Variants in PGAP4 observed in about 807,000 individuals in gnomAD.
PGAP4 encodes post-GPI attachment to proteins GalNAc transferase 4, also known as GPI-N-acetylgalactosamine transferase PGAP4.
A neutral mutation model predicts 28.2 loss-of-function variants in PGAP4; 12 were observed. That is an observed-to-expected ratio of 0.42 (90% confidence interval 0.27 to 0.69). The LOEUF (loss-of-function observed/expected upper bound fraction) is 0.69. Among genes scored for constraint, PGAP4 ranks in the 30% least tolerant of loss-of-function variants. The probability of loss-of-function intolerance (pLI) is 0.22; values close to 1 mark genes in which losing one functional copy is unlikely to be tolerated. For synonymous variants in PGAP4, 205 were observed against 211.8 expected, an observed-to-expected ratio of 0.97 and a Z score of 0.28; for missense variants, 425 against 513.5, an observed-to-expected ratio of 0.83 and a Z score of 1.67.
intron 2 of PGAP4, among the ~76,000 whole-genome samples, chr9:101,520,191 C>A (rs562154330): frequency 6.6e-6 from 1 of 152,238 alleles, no homozygotes; most frequent in South Asian, 2.1e-4. Flanking sequence ...TTTGGCTATA[C>A]AAGCTCCTTT....
At chr9:101,510,572 G>C (rs967050277) in intron 2 of PGAP4, among the ~76,000 whole-genome samples, 2 of 152,022 alleles carry the variant, frequency 1.3e-5, no homozygotes, top group African/African-American at 4.8e-5. Flanking sequence ...TAGGACACTT[G>C]GTATTTTCTT....
intron 2 of PGAP4, among the ~76,000 whole-genome samples, chr9:101,520,699 T>A (rs1250063492): frequency 1.3e-5 from 2 of 152,198 alleles, no homozygotes; most frequent in South Asian, 4.1e-4. Flanking sequence ...CCGATTTGGA[T>A]GCCCCTTATT....
chr9:101,518,777 G>C (rs928366292), intron 2 of PGAP4, among the ~76,000 whole-genome samples: 1 of 152,172 alleles, frequency 6.6e-6, no homozygotes, highest in African/African-American at 2.4e-5. Context: ...CTATAAACAT[G>C]CGTGTGCAAG....
At chr9:101,531,395 T>A (rs562393639) in exon 2 of PGAP4, 6 of 152,330 alleles carry the variant, frequency 3.9e-5, no homozygotes, top group African/African-American at 1.2e-4. Context: ...CTTTGTAGAA[T>A]CTTCTCTAAC....
chr9:101,477,865 G>A (rs1418064492), intron 1 of PGAP4, among the ~76,000 whole-genome samples: 1 of 152,198 alleles, frequency 6.6e-6, no homozygotes, highest in Non-Finnish European at 1.5e-5. Flanking sequence ...CCCCAGGCTT[G>A]GGGAGGGAGG....
In PGAP4 at chr9:101,475,959, A is replaced by C. The variant is rs1446948235; in HGVS notation, c.1134T>G (p.Tyr378Ter). The C allele has an allele frequency of 1.2e-6, 2 of 1,614,244 alleles. No individual in the cohort carries two copies. The highest frequency in any genetic ancestry group is 3.3e-5 in the Admixed American group (2 of 60,036). Residue 378 changes from tyrosine to a stop codon, truncating the protein, a stop_gained, in exon 2 of 2, where the codon TAT (tyrosine) becomes TAG (stop). Coordinates refer to ENST00000374848, the MANE Select transcript of PGAP4 (RefSeq NM_032342.3). LOFTEE classifies it high-confidence loss of function. ...SLLRAKGERAYVVEPNLVKHI... is the reference protein window; with the variant it reads ...SLLRAKGERA ...GTTTCACGAGGTTCGGCTCCACTAC[A>C]TAGGCCCTCTCTCCCTTGGCCCTCA...
At chr9:101,500,244 C>T (rs1407486811) in intron 2 of PGAP4, among the ~76,000 whole-genome samples, 1 of 152,028 alleles carries the variant, frequency 6.6e-6, no homozygotes, top group Non-Finnish European at 1.5e-5. Flanking sequence ...TCCTGGTAAT[C>T]CAAAGTCATG....
At chr9:101,498,384 C>A (rs1018155097) in intron 2 of PGAP4, among the ~76,000 whole-genome samples, 1 of 151,636 alleles carries the variant, frequency 6.6e-6, no homozygotes, top group Admixed American at 6.6e-5. Context: ...TATTATTGTA[C>A]ACAATTGCTA....
At chr9:101,514,330 A>G (rs1339879511) in intron 2 of PGAP4, among the ~76,000 whole-genome samples, 1 of 152,182 alleles carries the variant, frequency 6.6e-6, no homozygotes, top group Non-Finnish European at 1.5e-5. Flanking sequence ...TAGTCCTTCT[A>G]AAAATAGGTT....
chr9:101,517,308 G>A (rs1464257150), intron 2 of PGAP4, among the ~76,000 whole-genome samples: 2 of 152,146 alleles, frequency 1.3e-5, no homozygotes, highest in African/African-American at 4.8e-5. Context: ...TGAAATAAAG[G>A]TGATCAAATA....
intron 2 of PGAP4, among the ~76,000 whole-genome samples, chr9:101,528,164 TC>T (rs1827052199): frequency 6.6e-6 from 1 of 152,254 alleles, no homozygotes. Flanking sequence ...CTTTTATTTT[TC>T]CACATTTCTG....
rs137861341 is a variant in PGAP4, at chr9:101,477,078, G to C, written c.15C>G (p.Thr5=). The change falls in exon 2 of 2, where the codon ACC becomes ACG. Residue 5 remains threonine (T), a synonymous_variant. Coordinates refer to ENST00000374848, the MANE Select transcript of PGAP4 (RefSeq NM_032342.3). Reference sequence around the variant, plus strand: ...TCCGGAGGAGCATGGCAGCTGGAGAGGTTGAAGTGCTCATGAGGTCAACTT... The same window carrying C: ...TCCGGAGGAGCATGGCAGCTGGAGACGTTGAAGTGCTCATGAGGTCAACTT... The part of the protein sequence containing the change: MSTS[T]SPAAMLLRRL... 4.7e-5 allele frequency: 75 copies of C among 1,585,142 alleles called. No homozygotes were observed. Among genetic ancestry groups the C allele is most frequent in the Non-Finnish European group, 5.7e-5 (67 of 1,168,110 alleles).
chr9:101,495,457 A>ATAATATATATTATATATG (rs1422770335), intron 2 of PGAP4, among the ~76,000 whole-genome samples: 1 of 36,744 alleles, frequency 2.7e-5, no homozygotes. Context: ...TATTATATAT[A>ATAATATATATTATATATG]CTTATATTTT....
At chr9:101,495,520 A>C (rs1247549406) in intron 2 of PGAP4, among the ~76,000 whole-genome samples, 3 of 141,906 alleles carry the variant, frequency 2.1e-5, no homozygotes, top group Non-Finnish European at 4.6e-5. Context: ...TTTAAAGTTA[A>C]TTTTAGTCAG....
chr9:101,477,342 T>C (rs1453031414), intron 1 of PGAP4, among the ~76,000 whole-genome samples, 173 bp from the exon 2 acceptor site: 2 of 135,676 alleles, frequency 1.5e-5, no homozygotes, highest in Admixed American at 1.6e-4. Context: ...TAAACCATTC[T>C]TTGGTTGTGT....
At chr9:101,481,565 A>T (rs1826489241) in intron 1 of PGAP4, 1 of 152,278 alleles carries the variant, frequency 6.6e-6, no homozygotes, top group African/African-American at 2.4e-5. Context: ...TCTACCTGTT[A>T]CCATATCTAG....
At chr9:101,489,367 A>G (rs544742041), upstream of PGAP4, among the ~76,000 whole-genome samples, 5 of 152,286 alleles carry the variant, frequency 3.3e-5, no homozygotes, top group East Asian at 9.6e-4. Flanking sequence ...CTACAACAGG[A>G]TAATGAAAAA....
intron 2 of PGAP4, among the ~76,000 whole-genome samples, chr9:101,497,761 A>G (rs113939020): frequency 3.0e-4 from 45 of 151,844 alleles, no homozygotes; most frequent in African/African-American, 1.0e-3. Flanking sequence ...TATATATTCT[A>G]TATTTTATAT....
Position 101,475,180 on chromosome 9 carries a change from A to G in PGAP4, c.*701T>C, listed in dbSNP as rs756021624. ...ATGTTCAATGTTAAATCACTACTCA[A>G]CATAAGCAATCTGACTTTGATGGTT... is the stretch of plus-strand genomic sequence containing the variant. On this transcript the variant is annotated 3_prime_UTR_variant, in exon 2 of 2. Transcript: ENST00000374848. 6.5e-6 allele frequency: 1 copy of G among 152,954 alleles called. No individual in the cohort carries two copies. Among genetic ancestry groups the G allele is most frequent in the Non-Finnish European group, 1.5e-5 (1 of 68,636 alleles). The allele number at this position is 152,954 out of a possible 1,614,324, so 9.5% of individuals were successfully genotyped here. A position where few individuals can be genotyped will look rare whatever the true frequency, so the allele number is the denominator to read the frequency against.
Sources: gnomAD v4.1 joint callset for allele counts (sites outside exome capture counted in the v4.1 genomes callset) on GRCh38, gnomAD v4.1.1 for gene constraint, MANE v1.5 for transcripts, NCBI Gene and HGNC (gene_info 2026-07-23, HGNC 2026-07-21) for gene names.